ATG7: variants seen among roughly 807,000 people sequenced by gnomAD.
ATG7 encodes the protein autophagy related 7.
A neutral mutation model predicts 82.4 loss-of-function variants in ATG7; 70 were observed. That is an observed-to-expected ratio of 0.85 (90% CI 0.70 to 1.04). The LOEUF (loss-of-function observed/expected upper bound fraction) is 1.04. Among genes scored for constraint, ATG7 ranks in the 50% least tolerant of loss-of-function variants. The pLI is 0.00. For synonymous variants in ATG7, 287 were observed against 313.0 expected (o/e 0.92, Z 0.88); for missense variants, 792 against 864.3 (o/e 0.92, Z 1.05).
chr3:11,452,341 C>T (rs1192108420), intron 20 of ATG7, among the ~76,000 whole-genome samples: 1 of 141,878 alleles, frequency 7.0e-6, no homozygotes, highest in Non-Finnish European at 1.5e-5. Flanking sequence ...GCCATGATCA[C>T]GCCACTACAC....
chr3:11,548,939 G>A (rs2071529020), intron 20 of ATG7, among the ~76,000 whole-genome samples: 1 of 152,260 alleles, frequency 6.6e-6, no homozygotes. Flanking sequence ...TTGCCAGATT[G>A]TCCTCTGCAG....
At chr3:11,498,162 C>T (rs2091005834) in intron 20 of ATG7, among the ~76,000 whole-genome samples, 1 of 152,180 alleles carries the variant, frequency 6.6e-6, no homozygotes, top group Non-Finnish European at 1.5e-5. Flanking sequence ...CATATACATA[C>T]ATACATACAT....
At chr3:11,559,196 C>T (rs1479481878), downstream of ATG7, 8 of 1,385,530 alleles carry the variant, frequency 5.8e-6, no homozygotes, top group Admixed American at 5.8e-5. Flanking sequence ...GCACACTGGA[C>T]GTGCTCAAGA....
At chr3:11,528,216 A>G (rs2092624095) in intron 20 of ATG7, among the ~76,000 whole-genome samples, 1 of 152,238 alleles carries the variant, frequency 6.6e-6, no homozygotes, top group Admixed American at 6.5e-5. Context: ...GCCTGCAACA[A>G]TATTGACTTC....
At chr3:11,558,240 G>A (rs1391460051), downstream of ATG7, 18 of 433,282 alleles carry the variant, frequency 4.2e-5, no homozygotes, top group Non-Finnish European at 6.6e-5. Flanking sequence ...CTGAGAAAGC[G>A]CTGTGGAGTC....
At chr3:11,568,007 GTCCCTGT>G in the ATG7 span, among the ~76,000 whole-genome samples, 1 of 152,174 alleles carries the variant, frequency 6.6e-6, no homozygotes, top group Non-Finnish European at 1.5e-5. The surrounding 1 kb of genome is among the most constrained non-coding windows in gnomAD (Gnocchi z 5.9). Flanking sequence ...CGCTAGTTAA[GTCCCTGT>G]TCTGTGGAGG....
intron 20 of ATG7, among the ~76,000 whole-genome samples, chr3:11,535,221 C>G (rs771739687): frequency 2.6e-5 from 4 of 152,240 alleles, no homozygotes; most frequent in Non-Finnish European, 1.5e-5. Context: ...CCCTTTGCCC[C>G]CTCTAGCTCA....
In ATG7 at chr3:11,543,214, C is replaced by T. The variant is rs751863966; in HGVS notation, c.2080-11597C>T. Among the ~76,000 whole-genome samples the T allele has an allele frequency of 2.6e-5, 4 of 152,218 alleles. 1 individual carries two copies. Among genetic ancestry groups the T allele is most frequent in the Admixed American group, 6.5e-5 (1 of 15,284 alleles). ...AAGTCACGCTTTACATCTTACCAGC[C>T]GCCTTGGCCATGACTGTCTTTGTAG... On this transcript the variant is annotated intron_variant, in intron 20 of 20. Coordinates refer to ENST00000693202, the MANE Select transcript of ATG7 (RefSeq NM_001349232.2).
At chr3:11,564,098 C>T in the ATG7 span, among the ~76,000 whole-genome samples, 3 of 152,294 alleles carry the variant, frequency 2.0e-5, no homozygotes, top group South Asian at 2.1e-4. Context: ...GGTCGCAGTC[C>T]CTGGAGATTC....
chr3:11,427,894 G>C (rs369390629), intron 20 of ATG7, among the ~76,000 whole-genome samples: 92 of 152,276 alleles, frequency 6.0e-4, no homozygotes, highest in African/African-American at 2.2e-3. Context: ...TGGTGGTAGA[G>C]CTATTTGGAT....
chr3:11,535,747 C>T (rs994291015), intron 20 of ATG7, among the ~76,000 whole-genome samples: 1 of 152,140 alleles, frequency 6.6e-6, no homozygotes, highest in African/African-American at 2.4e-5. Context: ...TGTTCTCAGT[C>T]TTAGGAGAGC....
intron 14 of ATG7, among the ~76,000 whole-genome samples, chr3:11,349,560 A>C (rs772097117): frequency 2.6e-5 from 4 of 152,148 alleles, no homozygotes; most frequent in Non-Finnish European, 4.4e-5. Flanking sequence ...AATAATAATA[A>C]ATAATCCATC....
At chr3:11,492,574 C>A (rs144068600) in intron 20 of ATG7, among the ~76,000 whole-genome samples, 1 of 152,204 alleles carries the variant, frequency 6.6e-6, no homozygotes, top group Admixed American at 6.5e-5. Context: ...CTCAACTCCT[C>A]GCGGGAGGGA....
downstream of ATG7, chr3:11,559,467 A>T: frequency 6.5e-7 from 1 of 1,548,496 alleles, no homozygotes; most frequent in Non-Finnish European, 8.7e-7. Context: ...TGCGGGGAGG[A>T]GGGGTGTCAG....
chr3:11,486,784 T>C (rs2089703746), intron 20 of ATG7, among the ~76,000 whole-genome samples: 2 of 152,090 alleles, frequency 1.3e-5, no homozygotes, highest in African/African-American at 4.8e-5. Flanking sequence ...TTTTTGCATC[T>C]ATTGAGATAA....
chr3:11,364,543 C>T, intron 17 of ATG7, 116 bp from the exon 18 acceptor site: 2 of 1,166,332 alleles, frequency 1.7e-6, no homozygotes, highest in Admixed American at 1.9e-5. Context: ...ACTTACACTG[C>T]CCAGCAAGGG....
chr3:11,568,664 C>T, the ATG7 span: 338 of 1,558,898 alleles, frequency 2.2e-4, 1 homozygote, highest in South Asian at 2.3e-3. This position sits in a 1 kb window ranked among gnomAD's most constrained non-coding sequence, Gnocchi z 5.9. Context: ...TTCCAGGCCC[C>T]GCTCGCCCGG....
chr3:11,558,658 G>T, downstream of ATG7: 1 of 1,612,716 alleles, frequency 6.2e-7, no homozygotes, highest in Non-Finnish European at 8.5e-7. Context: ...TGGATGCTCC[G>T]TCCTTGGCCG....
intron 7 of ATG7, among the ~76,000 whole-genome samples, chr3:11,311,107 C>A (rs993661941): frequency 1.3e-5 from 2 of 152,098 alleles, no homozygotes; most frequent in African/African-American, 4.8e-5. Context: ...TGCCTAGAGT[C>A]AGTATGTGTG....
Sources: allele counts gnomAD v4.1 joint callset (sites outside exome capture counted in the v4.1 genomes callset), GRCh38; gene constraint gnomAD v4.1.1; non-coding constraint Gnocchi (gnomAD v3.1); transcripts MANE v1.5; gene names NCBI Gene and HGNC (gene_info 2026-07-23, HGNC 2026-07-21).